The following C19orf44 variants were observed in gnomAD, a reference collection of about 807,000 sequenced individuals.
C19orf44 encodes the protein uncharacterized protein C19orf44.
A neutral mutation model predicts 50.7 loss-of-function variants in C19orf44; 43 were observed. The ratio of observed to expected loss-of-function variants is 0.85; its 90% CI spans 0.66 to 1.09. C19orf44 has a LOEUF of 1.09. Ranked by LOEUF, C19orf44 falls within the 50% of genes least tolerant of loss-of-function variation. The pLI, the probability that C19orf44 is intolerant of heterozygous loss-of-function variation, is 0.00. For synonymous variants in C19orf44, 298 were observed against 334.7 expected, an observed-to-expected ratio of 0.89 and a Z score of 1.20; for missense variants, 722 against 836.2, an observed-to-expected ratio of 0.86 and a Z score of 1.68.
chr19:16,510,270 G>C (rs111257759), intron 5 of C19orf44: 9 of 400,224 alleles, frequency 2.2e-5, no homozygotes, highest in African/African-American at 1.4e-4. Flanking sequence ...AGCTGGCTGT[G>C]GTGGTGTGTT....
rs200329725 is a variant in C19orf44 at position 16,519,613 on chromosome 19, C to T, written c.*41-481C>T. On this transcript the variant is annotated intron_variant, in intron 8 of 8. Coordinates refer to ENST00000221671, the MANE Select transcript of C19orf44 (RefSeq NM_032207.4). This position sits in a 1 kb window ranked among gnomAD's most constrained non-coding sequence, Gnocchi z 6.0. ...CCATCCCGCGCCCTCCCCATTCCCT[C>T]GCCTTACCCATCTTCACCAGCATCT... 1.6e-4 allele frequency: 258 copies of T among 1,613,260 alleles called. 1 individual carries two copies. In the African/African-American group the frequency reaches 2.9e-3, roughly 18 times the overall value.
intron 7 of C19orf44, among the ~76,000 whole-genome samples, chr19:16,515,309 T>C (rs973827743): frequency 4.8e-4 from 73 of 152,110 alleles, no homozygotes; most frequent in East Asian, 1.9e-4. Context: ...TGTAGTGAGC[T>C]GAGATCGTGC....
chr19:16,507,982 T>C (rs375977910), intron 4 of C19orf44, among the ~76,000 whole-genome samples: 1 of 151,590 alleles, frequency 6.6e-6, no homozygotes, highest in Non-Finnish European at 1.5e-5. Context: ...TTTTTTTGTA[T>C]TTTTAGTAGA....
In C19orf44 at chr19:16,503,240, C is replaced by T. The variant is rs139247190; in HGVS notation, c.935C>T (p.Pro312Leu). 369 of 1,614,102 alleles carry T rather than the reference C, an allele frequency of 2.3e-4. 3 individuals carry two copies. In the Middle Eastern group the frequency reaches 7.8e-3, roughly 34 times the overall value. ...HVSSDTASHT[P>L]SVSITGAFSN... The stretch of plus-strand genomic sequence containing the variant: ...TCCAGTGACACCGCCTCCCACACGC[C>T]GTCAGTTTCCATCACAGGCGCCTTT... Residue 312 changes from proline to leucine, a missense_variant, in exon 3 of 9, where the codon CCG becomes CTG. Transcript: ENST00000221671.
intron 2 of C19orf44, among the ~76,000 whole-genome samples, chr19:16,502,823 A>C (rs2093429476): frequency 6.9e-6 from 1 of 145,638 alleles, no homozygotes. Context: ...ACCCATTCCT[A>C]CAAAAAAAAA....
chr19:16,498,320 A>G (rs1043185805), intron 1 of C19orf44, among the ~76,000 whole-genome samples: 3 of 152,028 alleles, frequency 2.0e-5, no homozygotes, highest in African/African-American at 4.8e-5. Context: ...GTCTTGCCCT[A>G]TCATCCGGGC....
intron 7 of C19orf44, among the ~76,000 whole-genome samples, chr19:16,516,752 C>T (rs2093473517): frequency 6.6e-6 from 1 of 152,232 alleles, no homozygotes; most frequent in Admixed American, 6.5e-5. Context: ...TGCCAGGCCT[C>T]TCGTTTCCTT....
Position 16,509,822 on chromosome 19 carries a change from T to C in C19orf44, c.1473T>C (p.Leu491=). 10 of 1,614,228 alleles carry C rather than the reference T, an allele frequency of 6.2e-6. No homozygotes were observed. Among genetic ancestry groups the C allele is most frequent in the Non-Finnish European group, 8.5e-6 (10 of 1,180,046 alleles). The change falls in exon 5 of 9, where the codon CTT becomes CTC. Residue 491 remains leucine (L), a synonymous_variant. Coordinates refer to ENST00000221671, the MANE Select transcript of C19orf44 (RefSeq NM_032207.4). ...CAACCGCCCATTCCAAGGAGTCTCT[T>C]GACAGAACACTGGACGCTTTGTCTG... is the stretch of plus-strand genomic sequence containing the variant. ...SEPTAHSKES[L]DRTLDALSES... is the part of the protein sequence containing the mutation.
intron 5 of C19orf44, 67 bp downstream of exon 5, chr19:16,510,055 C>G: frequency 6.2e-7 from 1 of 1,608,788 alleles, no homozygotes; most frequent in Non-Finnish European, 8.5e-7. Context: ...TTTACAGCAT[C>G]CTGGGAGACA....
At chr19:16,513,981 T>C (rs1371075118) in intron 6 of C19orf44, among the ~76,000 whole-genome samples, 1 of 150,844 alleles carries the variant, frequency 6.6e-6, no homozygotes, top group Admixed American at 6.6e-5. Flanking sequence ...TTTTTCCCTT[T>C]TCAATTTTTT....
rs1339505018 is a variant in C19orf44, at chr19:16,509,702, C to T, written c.1353C>T (p.Ser451=). 1.2e-6 allele frequency: 2 copies of T among 1,614,256 alleles called. No individual in the cohort carries two copies. Among genetic ancestry groups the T allele is most frequent in the Non-Finnish European group, 1.7e-6 (2 of 1,180,042 alleles). ...ASAIQQDSTS[S]MQPPSEAPMV... ...CCATCCAGCAGGACAGCACTTCCAG[C>T]ATGCAGCCACCATCTGAAGCCCCCA... The change falls in exon 5 of 9, where the codon AGC becomes AGT. Residue 451 remains serine (S), a synonymous_variant. Transcript: ENST00000221671.
rs1425615531 is a variant in C19orf44, at chr19:16,519,711, A to G, written c.*41-383A>G. 1.9e-6 allele frequency: 3 copies of G among 1,613,016 alleles called. No homozygotes were observed. The highest frequency in any genetic ancestry group is 1.6e-4 in the Middle Eastern group (1 of 6,082). ...GCCGAATTAGAACCCAGACCAGCAG[A>G]GGAACTAAAATCGAGACAGGTTATT... On this transcript the variant is annotated intron_variant, in intron 8 of 8. Transcript: ENST00000221671. This position sits in a 1 kb window ranked among gnomAD's most constrained non-coding sequence, Gnocchi z 6.0.
rs923474639 is a variant in C19orf44, at chr19:16,513,015, G to A, written c.1641G>A (p.Val547=). 2.5e-6 allele frequency: 4 copies of A among 1,612,578 alleles called. No individual in the cohort carries two copies. Among genetic ancestry groups the A allele is most frequent in the Non-Finnish European group, 3.4e-6 (4 of 1,179,928 alleles). Residue 547 remains valine (V), a splice_region_variant and synonymous_variant, in exon 6 of 9, where the codon GTG becomes GTA. Coordinates refer to ENST00000221671, the MANE Select transcript of C19orf44 (RefSeq NM_032207.4). The part of the protein sequence containing the change: ...DPAFTYEWTK[V]ASMAAMGPAL... ...CCCCTCTCTTTGTCCCCGAGATAGT[G>A]GCCAGCATGGCAGCCATGGGGCCTG...
chr19:16,520,792 GC>G lies in C19orf44; in HGVS notation c.*745del. ...CACCCATCACAAGCTGTGGACCCTG[GC>G]CCCCCGGCCACTGCAGACATCTGCG... On this transcript the variant is annotated 3_prime_UTR_variant, in exon 9 of 9. Transcript: ENST00000221671. This position sits in a 1 kb window ranked among gnomAD's most constrained non-coding sequence, Gnocchi z 4.0. The G allele has an allele frequency of 1.9e-6, 3 of 1,595,604 alleles. No homozygotes were observed. The highest frequency in any genetic ancestry group is 1.7e-4 in the Middle Eastern group (1 of 5,950).
In C19orf44 at chr19:16,519,444, A is replaced by G. The variant is rs750871357; in HGVS notation, c.*41-650A>G. 2 of 1,394,300 alleles carry G rather than the reference A, an allele frequency of 1.4e-6. No individual in the cohort carries two copies. The allele number at this position is 1,394,300 out of a possible 1,614,324, so 86.4% of individuals were successfully genotyped here. A position where few individuals can be genotyped will look rare whatever the true frequency, so the allele number is the denominator to read the frequency against. On this transcript the variant is annotated intron_variant, in intron 8 of 8. Transcript: ENST00000221671. The surrounding 1 kb of genome is among the most constrained non-coding windows in gnomAD (Gnocchi z 6.0). ...GAATGTCCAGACAGGCAGTGTAGACATGGGAAATGGGTAGAGAGAACCCGC... is the reference window on the plus strand; with the variant it reads ...GAATGTCCAGACAGGCAGTGTAGACGTGGGAAATGGGTAGAGAGAACCCGC...
At position 16,519,998 on chromosome 19, in the gene C19orf44, T is replaced by C. The variant is rs981058397; in HGVS notation, c.*41-96T>C. 1.2e-6 allele frequency: 1 copy of C among 833,594 alleles called. No individual in the cohort carries two copies. Among genetic ancestry groups the C allele is most frequent in the Non-Finnish European group, 1.9e-6 (1 of 521,004 alleles). 51.6% of individuals were successfully genotyped at this position (833,594 alleles called of 1,614,324 possible). A position where few individuals can be genotyped will look rare whatever the true frequency, so the allele number is the denominator to read the frequency against. On this transcript the variant is annotated intron_variant, in intron 8 of 8. Transcript: ENST00000221671. The surrounding 1 kb of genome is among the most constrained non-coding windows in gnomAD (Gnocchi z 6.0). ...ACTGCCTCAGGCTTCGCCAAGTGGC[T>C]ACTGTGGTGAAGGGTGAGGGGTGCC...
chr19:16,501,138 A>G lies in C19orf44; in HGVS notation c.346A>G (p.Thr116Ala), dbSNP rs778492628. 5 of 1,614,112 alleles carry G rather than the reference A, an allele frequency of 3.1e-6. No homozygotes were observed. Among genetic ancestry groups the G allele is most frequent in the Non-Finnish European group, 4.2e-6 (5 of 1,180,028 alleles). The change falls in exon 2 of 9, where the codon ACG (threonine) becomes GCG (alanine). Residue 116 changes from threonine to alanine, a missense_variant. Coordinates refer to ENST00000221671, the MANE Select transcript of C19orf44 (RefSeq NM_032207.4). The part of the protein sequence containing the change: ...NRKLQRNLSD[T>A]ESDSMTADAG... Reference sequence around the variant, plus strand: ...GAAGCTGCAGAGGAATTTGTCTGACACGGAATCTGACTCAATGACCGCCGA... The same window carrying G: ...GAAGCTGCAGAGGAATTTGTCTGACGCGGAATCTGACTCAATGACCGCCGA...
In C19orf44 at chr19:16,519,953, T is replaced by A. The variant is rs1459270665; in HGVS notation, c.*41-141T>A. 1.5e-6 allele frequency: 1 copy of A among 678,300 alleles called. No individual in the cohort carries two copies. The highest frequency in any genetic ancestry group is 2.7e-5 in the East Asian group (1 of 37,170). 42.0% of individuals were successfully genotyped at this position (678,300 alleles called of 1,614,324 possible). On this transcript the variant is annotated intron_variant, in intron 8 of 8. Transcript: ENST00000221671. The surrounding 1 kb of genome is among the most constrained non-coding windows in gnomAD (Gnocchi z 6.0). ...AGGACACCTCCAACCCAGATGGTGG[T>A]TAGAAAGCAGACCCCAGTTACTGCC...
At chr19:16,508,382 C>T (rs1292343173) in intron 4 of C19orf44, among the ~76,000 whole-genome samples, 1 of 152,150 alleles carries the variant, frequency 6.6e-6, no homozygotes, top group Non-Finnish European at 1.5e-5. Context: ...GGATTACAGG[C>T]ATGCGCCACC....
Sources: gnomAD v4.1 joint callset for allele counts (sites outside exome capture counted in the v4.1 genomes callset) on GRCh38, gnomAD v4.1.1 for gene constraint, Gnocchi (gnomAD v3.1) non-coding constraint, MANE v1.5 for transcripts, NCBI Gene and HGNC (gene_info 2026-07-23, HGNC 2026-07-21) for gene names.